The following ADGRD2 variants were observed in gnomAD, a reference collection of about 807,000 sequenced individuals.
ADGRD2 encodes G protein-coupled receptor PGR24.
Under a neutral mutation model 44.4 loss-of-function variants are expected in ADGRD2, and 71 were observed. The observed-to-expected ratio is 1.60, with a 90% CI of 1.32 to 1.95. The LOEUF (loss-of-function observed/expected upper bound fraction) is 1.95. ADGRD2 is among the 30% of genes most tolerant of loss of function. The pLI, the probability that ADGRD2 is intolerant of heterozygous loss-of-function variation, is 0.00. For missense variants in ADGRD2, 1,039 were observed against 512.4 expected (o/e 2.03, Z -9.92); for synonymous variants, 481 against 224.8 (o/e 2.14, Z -10.19).
At chr9:124,458,424 T>C (rs1268760940) in intron 9 of ADGRD2, among the ~76,000 whole-genome samples, 188 bp downstream of exon 12, 1 of 152,238 alleles carries the variant, frequency 6.6e-6, no homozygotes, top group Non-Finnish European at 1.5e-5. Flanking sequence ...TCTGGGGTTC[T>C]GGCTTCTGTG....
chr9:124,464,420 C>T (rs993519784), intron 10 of ADGRD2, among the ~76,000 whole-genome samples: 6 of 152,224 alleles, frequency 3.9e-5, no homozygotes, highest in African/African-American at 1.2e-4. Context: ...TGCGTAATCT[C>T]GAGCAGGTTA....
exon 13 of ADGRD2, chr9:124,468,105 G>A (rs115664772): frequency 1.7e-4 from 121 of 718,502 alleles, no homozygotes; most frequent in African/African-American, 1.7e-3. Flanking sequence ...AAGTCAGAGC[G>A]AACCACAGTC....
chr9:124,453,151 G>A (rs184300525), exon 3 of ADGRD2: 1 of 701,222 alleles, frequency 1.4e-6, no homozygotes, highest in Admixed American at 2.0e-5. Flanking sequence ...CGTGCAGTGG[G>A]ACTGTGCCTC....
At chr9:124,472,888 G>C (rs1000491234) in intron 17 of ADGRD2, among the ~76,000 whole-genome samples, 3 of 152,222 alleles carry the variant, frequency 2.0e-5, no homozygotes, top group African/African-American at 7.2e-5. Flanking sequence ...AGCAGCCTCA[G>C]ATTACCCTTG....
chr9:124,470,737 T>G (rs965924327), intron 17 of ADGRD2, 123 bp downstream of exon 20: 3 of 589,650 alleles, frequency 5.1e-6, no homozygotes, highest in Non-Finnish European at 9.2e-6. Flanking sequence ...CAACAGCAAC[T>G]GGGACATCCT....
chr9:124,476,866 T>C, intron 21 of ADGRD2, 157 bp downstream of exon 24: 1 of 695,998 alleles, frequency 1.4e-6, no homozygotes. Context: ...CTGGGAGCAC[T>C]GGGGGCCTGG....
rs1384911021 is a variant in ADGRD2 at position 124,452,508 on chromosome 9, A to G, written c.69-2A>G. Reference sequence around the variant, plus strand: ...CCCCACCGTCTCTCTTATCGTTTTTAGCCCCCGTGGCCGCCGGCGAGGTGG... The same window carrying G: ...CCCCACCGTCTCTCTTATCGTTTTTGGCCCCCGTGGCCGCCGGCGAGGTGG... On this transcript the variant is annotated splice_acceptor_variant, in intron 1 of 21. Transcript: ENST00000334810. LOFTEE classifies it high-confidence loss of function. The G allele has an allele frequency of 2.8e-6, 2 of 718,358 alleles. No individual in the cohort carries two copies. Among genetic ancestry groups the G allele is most frequent in the East Asian group, 2.7e-5 (1 of 37,300 alleles). The allele number at this position is 718,358 out of a possible 1,614,324, so 44.5% of individuals were successfully genotyped here.
At position 124,454,282 on chromosome 9, in the gene ADGRD2, G is replaced by A. The variant is rs1464034312; in HGVS notation, c.1022+185G>A. Among the ~76,000 whole-genome samples the A allele has an allele frequency of 6.6e-6, 1 of 152,218 alleles. No individual in the cohort carries two copies. The highest frequency in any genetic ancestry group is 1.5e-5 in the Non-Finnish European group (1 of 68,038). ...ACGGACCTAAGGGTGAATCGAAATT[G>A]TGTGACCTTGGGCAAGCTCTTTTGC... is the stretch of plus-strand genomic sequence containing the variant. On this transcript the variant is annotated intron_variant, in intron 4 of 21. Coordinates refer to ENST00000334810, the Ensembl canonical transcript of ADGRD2. The surrounding 1 kb of genome is among the most constrained non-coding windows in gnomAD (Gnocchi z 4.5).
At chr9:124,469,620 C>G in intron 16 of ADGRD2, 73 bp downstream of exon 19, 1 of 701,000 alleles carries the variant, frequency 1.4e-6, no homozygotes. Context: ...GTGAGGCTCA[C>G]TGGGCGAGAG....
At chr9:124,456,362 G>A (rs1831616049) in intron 6 of ADGRD2, among the ~76,000 whole-genome samples, 1 of 152,244 alleles carries the variant, frequency 6.6e-6, no homozygotes, top group African/African-American at 2.4e-5. Flanking sequence ...CCAGCCTTCG[G>A]AGTGTGCCCT....
At chr9:124,452,352 T>C in intron 1 of ADGRD2, 158 bp from the exon 5 acceptor site, 1 of 645,164 alleles carries the variant, frequency 1.5e-6, no homozygotes, top group Middle Eastern at 3.1e-4. Context: ...CGAAAAGAGC[T>C]CTGCAAGAGG....
upstream of ADGRD2, among the ~76,000 whole-genome samples, chr9:124,450,756 T>C (rs547494806): frequency 1.8e-4 from 27 of 152,214 alleles, no homozygotes; most frequent in African/African-American, 6.3e-4. Flanking sequence ...AGCCTCCCAG[T>C]CCTCCGGTGA....
rs1398349284 is a variant in ADGRD2 at position 124,470,479 on chromosome 9, C to T, written c.2638-15C>T. 3.3e-5 allele frequency: 23 copies of T among 707,194 alleles called. No individual in the cohort carries two copies. Among genetic ancestry groups the T allele is most frequent in the Non-Finnish European group, 4.7e-5 (18 of 383,128 alleles). The allele number at this position is 707,194 out of a possible 1,614,324, so 43.8% of individuals were successfully genotyped here. A position where few individuals can be genotyped will look rare whatever the true frequency, so the allele number is the denominator to read the frequency against. On this transcript the variant is annotated splice_polypyrimidine_tract_variant and intron_variant, in intron 16 of 21. Coordinates refer to ENST00000334810, the Ensembl canonical transcript of ADGRD2. Reference sequence around the variant, plus strand: ...GGCCTCCCAACCCCCGTCAGCCCTGCCTGCCCTCCTACAGGGCCACGGTGA... The same window carrying T: ...GGCCTCCCAACCCCCGTCAGCCCTGTCTGCCCTCCTACAGGGCCACGGTGA...
In ADGRD2 at chr9:124,460,200, A is replaced by ATT. The variant is rs749872013; in HGVS notation, c.1870+1497_1870+1498dup. Reference sequence around the variant, plus strand: ...GATGTGGAAAAGCGTCCACGCTCTGATTTTTTTTTTTTTTTTTTTGAGACT... The same window carrying ATT: ...GATGTGGAAAAGCGTCCACGCTCTGATTTTTTTTTTTTTTTTTTTTTGAGACT... On this transcript the variant is annotated intron_variant, in intron 10 of 21. Transcript: ENST00000334810. 1.3e-4 allele frequency among the ~76,000 whole-genome samples: 17 copies of ATT among 128,444 alleles called. No individual in the cohort carries two copies. In the South Asian group the frequency reaches 1.5e-3, roughly 11 times the overall value. 84.3% of individuals were successfully genotyped at this position (128,444 alleles called of 152,430 possible). A position where few individuals can be genotyped will look rare whatever the true frequency, so the allele number is the denominator to read the frequency against.
chr9:124,459,577 G>T (rs1831689430), intron 10 of ADGRD2, among the ~76,000 whole-genome samples: 1 of 152,026 alleles, frequency 6.6e-6, no homozygotes. Flanking sequence ...AGCAACCATG[G>T]GTGGAAAATA....
chr9:124,458,546 G>T, intron 9 of ADGRD2, 70 bp from the exon 13 acceptor site: 1 of 696,192 alleles, frequency 1.4e-6, no homozygotes, highest in South Asian at 1.5e-5. Context: ...TAGGGGCCTG[G>T]GTGACATGCC....
exon 2 of ADGRD2, chr9:124,452,529 G>C (rs754963350): frequency 4.2e-6 from 3 of 718,590 alleles, no homozygotes; most frequent in South Asian, 3.0e-5. Flanking sequence ...CCGCCGGCGA[G>C]GTGGTGAAGA....
At chr9:124,453,474 C>T in exon 3 of ADGRD2, 1 of 702,908 alleles carries the variant, frequency 1.4e-6, no homozygotes, top group Non-Finnish European at 2.6e-6. Context: ...ACTCTCTGGG[C>T]GGTGGCTTCT....
At chr9:124,478,424 C>T (rs1262746606) in exon 22 of ADGRD2, 3 of 152,488 alleles carry the variant, frequency 2.0e-5, no homozygotes, top group African/African-American at 7.2e-5. Context: ...TCTGGCTTTC[C>T]CTAAAGGACT....
Sources: gnomAD v4.1 joint callset for allele counts (sites outside exome capture counted in the v4.1 genomes callset) on GRCh38, gnomAD v4.1.1 for gene constraint, Gnocchi (gnomAD v3.1) non-coding constraint, MANE v1.5 for transcripts, NCBI Gene and HGNC (gene_info 2026-07-23, HGNC 2026-07-21) for gene names.